OSBPL9: variants seen among roughly 807,000 people sequenced by gnomAD.
The protein encoded by OSBPL9 is oxysterol-binding protein-related protein 9.
A neutral mutation model predicts 106.6 loss-of-function variants in OSBPL9; 40 were observed. That is an observed-to-expected ratio of 0.38 (90% CI 0.29 to 0.49). The LOEUF (loss-of-function observed/expected upper bound fraction) is 0.49, where lower values mean the gene tolerates loss of function less well. Ranked by LOEUF, OSBPL9 falls within the 20% of genes least tolerant of loss-of-function variation. OSBPL9 has a pLI of 0.97. For synonymous variants in OSBPL9, 269 were observed against 295.4 expected, an observed-to-expected ratio of 0.91 and a Z score of 0.92; for missense variants, 609 against 887.2, an observed-to-expected ratio of 0.69 and a Z score of 3.98.
chr1:51,775,355 C>T (rs375551057), intron 14 of OSBPL9, among the ~76,000 whole-genome samples: 6 of 151,258 alleles, frequency 4.0e-5, no homozygotes, highest in African/African-American at 1.2e-4. Flanking sequence ...TTTTTTCTCC[C>T]GTCTCCATGT....
At position 51,729,636 on chromosome 1, in the gene OSBPL9, CT is replaced by C; in HGVS notation, c.318+15558del. On this transcript the variant is annotated intron_variant, in intron 4 of 23. Coordinates refer to ENST00000428468, the MANE Select transcript of OSBPL9 (RefSeq NM_024586.6). The surrounding 1 kb of genome is among the most constrained non-coding windows in gnomAD (Gnocchi z 5.1). The stretch of plus-strand genomic sequence containing the variant: ...CGCCGCTGCGCACCCCTCCCGCGAG[CT>C]GCCAGCTCCCTCGGCCTCTCCACCC... 1 of 267,608 alleles carries C rather than the reference CT, an allele frequency of 3.7e-6. No individual in the cohort carries two copies. Among genetic ancestry groups the C allele is most frequent in the South Asian group, 1.6e-4 (1 of 6,168 alleles). 16.6% of individuals were successfully genotyped at this position (267,608 alleles called of 1,614,324 possible).
At chr1:51,519,878 C>T in the OSBPL9 span, among the ~76,000 whole-genome samples, 1 of 152,212 alleles carries the variant, frequency 6.6e-6, no homozygotes, top group Non-Finnish European at 1.5e-5. Flanking sequence ...TTCCCTCCCA[C>T]AGCCAAAATC....
intron 1 of OSBPL9, 68 bp from the exon 2 acceptor site, chr1:51,651,923 G>C: frequency 1.0e-5 from 13 of 1,291,922 alleles, no homozygotes; most frequent in Non-Finnish European, 1.3e-5. Flanking sequence ...TTTATCCCCA[G>C]ATGATTCTAA....
the OSBPL9 span, chr1:51,538,504 T>C: frequency 7.2e-4 from 110 of 152,310 alleles, no homozygotes; most frequent in African/African-American, 2.5e-3. Context: ...TATTTAAATA[T>C]AGTTTGGTTC....
At chr1:51,755,705 T>C (rs1359737730) in intron 8 of OSBPL9, among the ~76,000 whole-genome samples, 1 of 152,164 alleles carries the variant, frequency 6.6e-6, no homozygotes, top group Non-Finnish European at 1.5e-5. Context: ...TTAAGGTAGG[T>C]TAGGATAAGC....
chr1:51,548,483 A>G, the OSBPL9 span, among the ~76,000 whole-genome samples: 8 of 152,084 alleles, frequency 5.3e-5, no homozygotes, highest in Non-Finnish European at 8.8e-5. Flanking sequence ...TGAAGCCTCT[A>G]TCTCCTGGGC....
At chr1:51,723,162 C>T (rs1343359724) in intron 4 of OSBPL9, among the ~76,000 whole-genome samples, 1 of 152,198 alleles carries the variant, frequency 6.6e-6, no homozygotes, top group Non-Finnish European at 1.5e-5. Context: ...CATTATCACT[C>T]AAGGTCCGTA....
intron 7 of OSBPL9, 50 bp from the exon 8 acceptor site, chr1:51,750,095 T>C: frequency 7.7e-7 from 1 of 1,300,232 alleles, no homozygotes; most frequent in Non-Finnish European, 1.1e-6. Flanking sequence ...TAACATTATA[T>C]ATCCATTTAT....
chr1:51,675,319 C>A (rs1018789856), intron 3 of OSBPL9, among the ~76,000 whole-genome samples: 19 of 152,036 alleles, frequency 1.2e-4, no homozygotes, highest in African/African-American at 4.6e-4. Flanking sequence ...CCATTGTTGT[C>A]AGATCATCCT....
the OSBPL9 span, among the ~76,000 whole-genome samples, chr1:51,535,770 T>C: frequency 6.6e-6 from 1 of 152,244 alleles, no homozygotes; most frequent in South Asian, 2.1e-4. Context: ...TTGGCCAGGC[T>C]GGTCTCGAAC....
intron 2 of OSBPL9, among the ~76,000 whole-genome samples, chr1:51,610,172 G>A (rs1193574229): frequency 1.3e-5 from 2 of 152,208 alleles, no homozygotes; most frequent in African/African-American, 4.8e-5. Flanking sequence ...ACATAGTAAA[G>A]GTAAGATTAG....
At chr1:51,715,884 G>A (rs2148898056) in intron 4 of OSBPL9, among the ~76,000 whole-genome samples, 1 of 151,894 alleles carries the variant, frequency 6.6e-6, no homozygotes, top group African/African-American at 2.4e-5. Flanking sequence ...TGAACCCTCT[G>A]CCGACTGGCC....
chr1:51,629,398 T>C (rs1230493317), intron 1 of OSBPL9, among the ~76,000 whole-genome samples: 3 of 152,154 alleles, frequency 2.0e-5, no homozygotes, highest in Non-Finnish European at 4.4e-5. Flanking sequence ...CATGGGTCGC[T>C]TAACAATGGG....
chr1:51,575,864 TC>T (rs578012919), upstream of OSBPL9, among the ~76,000 whole-genome samples: 482 of 152,340 alleles, frequency 3.2e-3, 1 homozygote, highest in African/African-American at 0.011. Flanking sequence ...ATTTTTATTA[TC>T]AAAGACAGGA....
intron 1 of OSBPL9, among the ~76,000 whole-genome samples, chr1:51,622,640 C>T (rs536456389): frequency 6.6e-6 from 1 of 152,204 alleles, no homozygotes; most frequent in African/African-American, 2.4e-5. Flanking sequence ...CAGTTCCTTG[C>T]TGGCTGTTGG....
In OSBPL9 at chr1:51,786,621, A is replaced by G; in HGVS notation, c.2000+4A>G. The G allele has an allele frequency of 6.2e-7, 1 of 1,608,014 alleles. No homozygotes were observed. Among genetic ancestry groups the G allele is most frequent in the Non-Finnish European group, 8.5e-7 (1 of 1,174,792 alleles). Reference sequence around the variant, plus strand: ...AGAACGAGTATGAATCCCGCAGGTAAGCCGACATTGTTAAGTGGAACTATT... The same window carrying G: ...AGAACGAGTATGAATCCCGCAGGTAGGCCGACATTGTTAAGTGGAACTATT... On this transcript the variant is annotated splice_donor_region_variant and intron_variant, in intron 22 of 23. Coordinates refer to ENST00000428468, the MANE Select transcript of OSBPL9 (RefSeq NM_024586.6).
chr1:51,639,244 G>T (rs532303997), intron 1 of OSBPL9, among the ~76,000 whole-genome samples: 40 of 152,218 alleles, frequency 2.6e-4, no homozygotes, highest in African/African-American at 7.7e-4. Flanking sequence ...CCAGCGTCTT[G>T]TGATTCCTGT....
At chr1:51,556,820 T>C in the OSBPL9 span, among the ~76,000 whole-genome samples, 2 of 149,110 alleles carry the variant, frequency 1.3e-5, no homozygotes, top group Non-Finnish European at 3.0e-5. Context: ...TATACACATA[T>C]ATATGTGTAT....
At chr1:51,761,255 G>T (rs1193772816) in intron 10 of OSBPL9, among the ~76,000 whole-genome samples, 79 of 136,860 alleles carry the variant, frequency 5.8e-4, no homozygotes, top group East Asian at 1.1e-3. Context: ...GTTTTGTTTT[G>T]TTTTTTTTTT....
Sources: gnomAD v4.1 joint callset for allele counts (sites outside exome capture counted in the v4.1 genomes callset) on GRCh38, gnomAD v4.1.1 for gene constraint, Gnocchi (gnomAD v3.1) non-coding constraint, MANE v1.5 for transcripts, NCBI Gene and HGNC (gene_info 2026-07-23, HGNC 2026-07-21) for gene names.